Variants in TMEM117 observed in about 807,000 individuals in gnomAD.
The protein encoded by TMEM117 is transmembrane protein 117.
In TMEM117, 27 loss-of-function variants were observed where a neutral mutation model predicts 52.4. The observed-to-expected ratio is 0.51, with a 90% CI of 0.38 to 0.71. The LOEUF (loss-of-function observed/expected upper bound fraction) is 0.71. Among genes scored for constraint, TMEM117 ranks in the 30% least tolerant of loss-of-function variants. TMEM117 has a pLI of 0.00. For missense variants in TMEM117, 556 were observed against 630.5 expected (o/e 0.88, Z 1.26); for synonymous variants, 215 against 206.3 (o/e 1.04, Z -0.36).
intron 3 of TMEM117, among the ~76,000 whole-genome samples, chr12:43,986,758 C>A (rs1286148997): frequency 6.6e-6 from 1 of 152,060 alleles, no homozygotes; most frequent in Non-Finnish European, 1.5e-5. Context: ...CTTAATCATT[C>A]TGTCTTATCC....
the TMEM117 span, chr12:43,805,694 C>G: frequency 1.1e-6 from 1 of 869,724 alleles, no homozygotes; most frequent in African/African-American, 1.7e-5. Context: ...ACATAACTCT[C>G]ATTTTCCTAT....
chr12:44,007,229 T>C (rs1415602561), intron 3 of TMEM117, among the ~76,000 whole-genome samples: 1 of 152,186 alleles, frequency 6.6e-6, no homozygotes, highest in African/African-American at 2.4e-5. Flanking sequence ...TTGAACAGAT[T>C]GTCAGATTAA....
At chr12:44,243,758 T>G (rs1222386184) in intron 5 of TMEM117, among the ~76,000 whole-genome samples, 1 of 151,834 alleles carries the variant, frequency 6.6e-6, no homozygotes, top group Non-Finnish European at 1.5e-5. Flanking sequence ...ACCTTTTGAC[T>G]GACATCTTCT....
At chr12:44,311,891 ATATG>A (rs1237633049) in intron 6 of TMEM117, among the ~76,000 whole-genome samples, 9 of 135,138 alleles carry the variant, frequency 6.7e-5, no homozygotes, top group African/African-American at 2.8e-4. Context: ...ATATGTATAT[ATATG>A]TGTATATATA....
At chr12:44,273,231 GT>G (rs1032948057) in intron 5 of TMEM117, among the ~76,000 whole-genome samples, 17 of 151,740 alleles carry the variant, frequency 1.1e-4, no homozygotes, top group East Asian at 3.9e-4. Context: ...TGGGGTGGAG[GT>G]GGGGGGATAG....
At chr12:44,074,117 C>A (rs1254995756) in intron 3 of TMEM117, among the ~76,000 whole-genome samples, 1 of 152,012 alleles carries the variant, frequency 6.6e-6, no homozygotes, top group African/African-American at 2.4e-5. Flanking sequence ...TTTTACAAAG[C>A]CACAAATAAA....
At chr12:44,000,018 A>G (rs781686650) in intron 3 of TMEM117, among the ~76,000 whole-genome samples, 6 of 152,238 alleles carry the variant, frequency 3.9e-5, no homozygotes, top group Non-Finnish European at 7.3e-5. Context: ...ATTTTGCCCA[A>G]TGATCAGCTG....
chr12:43,828,279 A>G, the TMEM117 span, among the ~76,000 whole-genome samples: 1 of 152,234 alleles, frequency 6.6e-6, no homozygotes, highest in Non-Finnish European at 1.5e-5. Flanking sequence ...GCTCACTATG[A>G]GCAGATAATG....
chr12:43,975,793 CT>C (rs1238863142), intron 3 of TMEM117, among the ~76,000 whole-genome samples: 1 of 152,160 alleles, frequency 6.6e-6, no homozygotes, highest in African/African-American at 2.4e-5. Flanking sequence ...GTGATCTTTG[CT>C]GGAAACCCAG....
intron 5 of TMEM117, among the ~76,000 whole-genome samples, chr12:44,284,057 G>A (rs1019521856): frequency 2.0e-5 from 3 of 152,188 alleles, no homozygotes; most frequent in South Asian, 2.1e-4. Flanking sequence ...GCTCACATCT[G>A]TAATCCCAGC....
chr12:44,195,125 T>C (rs1170595800), intron 4 of TMEM117, among the ~76,000 whole-genome samples: 1 of 152,142 alleles, frequency 6.6e-6, no homozygotes, highest in Non-Finnish European at 1.5e-5. Context: ...TCTACTTAGG[T>C]TCTCATAAAT....
At chr12:44,103,382 C>A (rs1404816891) in intron 3 of TMEM117, among the ~76,000 whole-genome samples, 2 of 151,968 alleles carry the variant, frequency 1.3e-5, no homozygotes, top group African/African-American at 4.8e-5. Flanking sequence ...AGAAGCACCA[C>A]AGAATGCCCT....
intron 2 of TMEM117, among the ~76,000 whole-genome samples, chr12:43,898,570 A>G (rs1036954245): frequency 1.2e-4 from 18 of 152,038 alleles, no homozygotes; most frequent in Non-Finnish European, 2.2e-4. Context: ...CACTTTAGAT[A>G]TCTAGGATAC....
intron 6 of TMEM117, among the ~76,000 whole-genome samples, chr12:44,310,430 G>A (rs1170488475): frequency 6.6e-6 from 1 of 152,152 alleles, no homozygotes; most frequent in Non-Finnish European, 1.5e-5. Flanking sequence ...CCTGAGGTCG[G>A]GAGTTCAAGA....
chr12:44,133,117 C>T (rs769606094), intron 3 of TMEM117, among the ~76,000 whole-genome samples: 1 of 152,092 alleles, frequency 6.6e-6, no homozygotes, highest in Non-Finnish European at 1.5e-5. Context: ...TGGGTGTATT[C>T]GTTGACTGAT....
the TMEM117 span, among the ~76,000 whole-genome samples, chr12:43,826,946 T>C: frequency 1.3e-5 from 2 of 152,158 alleles, no homozygotes; most frequent in Middle Eastern, 3.4e-3. Context: ...TGGTTGACGA[T>C]GCAATGACCA....
At chr12:43,951,770 C>T (rs1348432117) in intron 3 of TMEM117, among the ~76,000 whole-genome samples, 2 of 152,140 alleles carry the variant, frequency 1.3e-5, no homozygotes, top group Non-Finnish European at 2.9e-5. Context: ...ATTCCCTGAG[C>T]ACAGCACACC....
At chr12:44,007,672 C>T (rs1237661619) in intron 3 of TMEM117, among the ~76,000 whole-genome samples, 2 of 152,080 alleles carry the variant, frequency 1.3e-5, no homozygotes, top group Non-Finnish European at 2.9e-5. Context: ...GTAACTCCTA[C>T]AATTCCCATG....
At chr12:44,049,422 G>T (rs1019636830) in intron 3 of TMEM117, among the ~76,000 whole-genome samples, 1 of 151,980 alleles carries the variant, frequency 6.6e-6, no homozygotes, top group African/African-American at 2.4e-5. Context: ...GTTGGGTGGT[G>T]GGGGGCGAGG....
Sources: allele counts gnomAD v4.1 joint callset (sites outside exome capture counted in the v4.1 genomes callset), GRCh38; gene constraint gnomAD v4.1.1; transcripts MANE v1.5; gene names NCBI Gene and HGNC (gene_info 2026-07-23, HGNC 2026-07-21).